Variants in FREM2 observed in about 807,000 individuals in gnomAD.
The protein encoded by FREM2 is FRAS1-related extracellular matrix protein 2.
A neutral mutation model predicts 219.9 loss-of-function variants in FREM2; 119 were observed. The observed-to-expected ratio is 0.54, with a 90% confidence interval of 0.47 to 0.63. The LOEUF (loss-of-function observed/expected upper bound fraction) is 0.63, where lower values mean the gene tolerates loss of function less well. Ranked by LOEUF, FREM2 falls within the 30% of genes least tolerant of loss-of-function variation. The pLI is 0.00. For synonymous variants in FREM2, 1,562 were observed against 1,522.8 expected, an observed-to-expected ratio of 1.03 and a Z score of -0.60; for missense variants, 4,030 against 3,993.6, an observed-to-expected ratio of 1.01 and a Z score of -0.25.
chr13:38,839,088 T>G (rs1876836016), intron 6 of FREM2, among the ~76,000 whole-genome samples: 1 of 152,214 alleles, frequency 6.6e-6, no homozygotes, highest in South Asian at 2.1e-4. Context: ...TTCCTCATCT[T>G]CGTGGATTTA....
intron 4 of FREM2, among the ~76,000 whole-genome samples, chr13:38,780,344 T>G (rs1451140012): frequency 6.6e-6 from 1 of 152,188 alleles, no homozygotes; most frequent in Non-Finnish European, 1.5e-5. Flanking sequence ...ATACCACACC[T>G]GGTCCGTCAG....
chr13:38,753,548 G>T (rs1343953789), intron 2 of FREM2, among the ~76,000 whole-genome samples: 3 of 152,168 alleles, frequency 2.0e-5, no homozygotes, highest in East Asian at 3.8e-4. Flanking sequence ...GTTAGTTTGT[G>T]TTCTTATTTA....
intron 6 of FREM2, among the ~76,000 whole-genome samples, chr13:38,836,180 T>C (rs1876698842): frequency 6.6e-6 from 1 of 152,238 alleles, no homozygotes; most frequent in Admixed American, 6.5e-5. Context: ...GAAGGTCTTT[T>C]CTGCATCTAT....
At chr13:38,752,734 C>G (rs1737844174) in intron 2 of FREM2, among the ~76,000 whole-genome samples, 1 of 152,188 alleles carries the variant, frequency 6.6e-6, no homozygotes, top group Admixed American at 6.5e-5. Context: ...AGACTGTAAT[C>G]CATGTTAATT....
intron 6 of FREM2, among the ~76,000 whole-genome samples, chr13:38,803,090 G>T (rs1462097667): frequency 6.6e-6 from 1 of 152,124 alleles, no homozygotes; most frequent in Non-Finnish European, 1.5e-5. Flanking sequence ...GATGAGGCAT[G>T]TACTAGCTGC....
intron 17 of FREM2, among the ~76,000 whole-genome samples, chr13:38,873,868 T>C (rs555304941): frequency 6.6e-6 from 1 of 152,328 alleles, no homozygotes; most frequent in Non-Finnish European, 1.5e-5. Context: ...ATTTTAGAGC[T>C]ATGTGACAGG....
At chr13:38,857,747 C>A in intron 12 of FREM2, 128 bp from the exon 13 acceptor site, 1 of 791,808 alleles carries the variant, frequency 1.3e-6, no homozygotes, top group African/African-American at 1.7e-5. Context: ...TCCAGGGGCT[C>A]TGAGTATGAC....
intron 6 of FREM2, among the ~76,000 whole-genome samples, chr13:38,817,488 T>C (rs963440087): frequency 5.9e-5 from 9 of 152,006 alleles, no homozygotes; most frequent in African/African-American, 1.7e-4. Flanking sequence ...CAATAAATGG[T>C]ATTGGGAAAA....
At chr13:38,868,193 C>G (rs1878037048) in intron 16 of FREM2, among the ~76,000 whole-genome samples, 1 of 152,186 alleles carries the variant, frequency 6.6e-6, no homozygotes, top group African/African-American at 2.4e-5. Context: ...AGAAGAAATT[C>G]AACCCTCTGA....
intron 6 of FREM2, among the ~76,000 whole-genome samples, chr13:38,811,949 T>C (rs1031128229): frequency 1.3e-5 from 2 of 152,174 alleles, no homozygotes; most frequent in African/African-American, 4.8e-5. Context: ...GCTCTAACAA[T>C]GCTTACTTTA....
Position 38,848,657 on chromosome 13 carries a change from C to T in FREM2, c.6366C>T (p.Asp2122=), listed in dbSNP as rs1877256313. 6.2e-7 allele frequency: 1 copy of T among 1,612,908 alleles called. No individual in the cohort carries two copies. The highest frequency in any genetic ancestry group is 1.3e-5 in the African/African-American group (1 of 74,996). ...EPSKATVSIN[D]SVSDLPKMQF... ...GCAAAGCCACAGTGTCCATAAATGA[C>T]TCTGTCTCCGATTGTGAGTGTTTAT... Residue 2122 remains aspartate, a synonymous_variant, in exon 8 of 24, where the codon GAC becomes GAT. Coordinates refer to ENST00000280481, the MANE Select transcript of FREM2 (RefSeq NM_207361.6).
intron 2 of FREM2, among the ~76,000 whole-genome samples, chr13:38,704,819 G>A (rs1870476138): frequency 6.6e-6 from 1 of 152,184 alleles, no homozygotes; most frequent in Non-Finnish European, 1.5e-5. Context: ...AGCAGAAAAT[G>A]AAAGAGAAGC....
chr13:38,826,869 T>G (rs944111541), intron 6 of FREM2, among the ~76,000 whole-genome samples: 2 of 152,084 alleles, frequency 1.3e-5, no homozygotes, highest in Non-Finnish European at 2.9e-5. Flanking sequence ...AGTTTAAGCA[T>G]AAAGTGACAT....
rs368973995 is a variant in FREM2, at chr13:38,868,664, C to T, written c.7983+4058C>T. Among the ~76,000 whole-genome samples the T allele has an allele frequency of 1.1e-4, 17 of 152,332 alleles. No homozygotes were observed. In the East Asian group the frequency reaches 1.2e-3, roughly 10 times the overall value. On this transcript the variant is annotated intron_variant, in intron 16 of 23. Coordinates refer to ENST00000280481, the MANE Select transcript of FREM2 (RefSeq NM_207361.6). ...ACATCCACACCCACTGTTGGTAAAA[C>T]GGTGCAAATCCATGTCCTAACAACA...
At chr13:38,750,273 G>A (rs1872687548) in intron 2 of FREM2, among the ~76,000 whole-genome samples, 2 of 152,108 alleles carry the variant, frequency 1.3e-5, no homozygotes, top group African/African-American at 4.8e-5. Flanking sequence ...GAATCATGAG[G>A]GCCGGTCTTT....
At chr13:38,724,045 G>C (rs1251964920) in intron 2 of FREM2, among the ~76,000 whole-genome samples, 1 of 152,172 alleles carries the variant, frequency 6.6e-6, no homozygotes, top group Non-Finnish European at 1.5e-5. Context: ...AGTTAGACTT[G>C]TATTGCCTTT....
At chr13:38,754,697 CAG>C (rs1872911733) in intron 2 of FREM2, among the ~76,000 whole-genome samples, 1 of 152,034 alleles carries the variant, frequency 6.6e-6, no homozygotes, top group South Asian at 2.1e-4. Context: ...CAGGCATTTT[CAG>C]AGTCGCCAAG....
intron 15 of FREM2, among the ~76,000 whole-genome samples, chr13:38,863,303 G>A (rs1877831079): frequency 1.3e-5 from 2 of 152,076 alleles, no homozygotes; most frequent in South Asian, 2.1e-4. Context: ...ACCTGCCTTG[G>A]CCTCCCAAAG....
intron 2 of FREM2, among the ~76,000 whole-genome samples, chr13:38,702,305 A>G (rs948566724): frequency 6.6e-5 from 10 of 152,172 alleles, no homozygotes; most frequent in African/African-American, 2.4e-4. Flanking sequence ...TTTCAGAAAA[A>G]AAAACTTGTC....
Sources: allele counts gnomAD v4.1 joint callset (sites outside exome capture counted in the v4.1 genomes callset), GRCh38; gene constraint gnomAD v4.1.1; transcripts MANE v1.5; gene names NCBI Gene and HGNC (gene_info 2026-07-23, HGNC 2026-07-21).